Variants in PHF12 observed in about 807,000 individuals in gnomAD.
The protein encoded by PHF12 is PHD finger protein 12.
In PHF12, 6 loss-of-function variants were observed where a neutral mutation model predicts 99.8. That is an observed-to-expected ratio of 0.06 (90% CI 0.03 to 0.12). The LOEUF (loss-of-function observed/expected upper bound fraction) is 0.12. Among genes scored for constraint, PHF12 ranks in the 10% least tolerant of loss-of-function variants. The pLI is 1.00. For synonymous variants in PHF12, 480 were observed against 514.9 expected, an observed-to-expected ratio of 0.93 and a Z score of 0.92; for missense variants, 954 against 1,300.1, an observed-to-expected ratio of 0.73 and a Z score of 4.09.
At chr17:28,927,188 C>T in intron 2 of PHF12, 125 bp from the exon 3 acceptor site, 1 of 803,726 alleles carries the variant, frequency 1.2e-6, no homozygotes, top group South Asian at 1.7e-5. Context: ...CTAGGGTTGT[C>T]TCCTCCAAAA....
At chr17:28,922,523 A>G (rs2040184838) in intron 4 of PHF12, among the ~76,000 whole-genome samples, 1 of 152,198 alleles carries the variant, frequency 6.6e-6, no homozygotes, top group African/African-American at 2.4e-5. Context: ...AGGACTTAAA[A>G]AAAAAGAATG....
At chr17:28,948,978 G>A in intron 2 of PHF12, among the ~76,000 whole-genome samples, 1 of 152,100 alleles carries the variant, frequency 6.6e-6, no homozygotes, top group East Asian at 1.9e-4. Context: ...GGCAGAAGAT[G>A]GAGTTTAAAC....
intron 5 of PHF12, among the ~76,000 whole-genome samples, 158 bp from the exon 6 acceptor site, chr17:28,919,433 T>A (rs1440369194): frequency 6.6e-6 from 1 of 152,190 alleles, no homozygotes; most frequent in Non-Finnish European, 1.5e-5. Flanking sequence ...GTTACATTTA[T>A]GATTAGAAAG....
Position 28,912,752 on chromosome 17 carries a change from C to G in PHF12, c.1819G>C (p.Ala607Pro). The change falls in exon 9 of 15, where the codon GCC becomes CCC. Residue 607 changes from alanine (A) to proline (P), a missense_variant. Around this residue, in one of 8 missense-constraint regions of PHF12, gnomAD observed 392 missense variants for 423.1 expected, o/e 0.93. Transcript: ENST00000332830. ...TVGIIVKTEN[A>P]TGPSSCPQRS... ...TGGGGGCAAGAGCTGGGGCCAGTGG[C>G]ATTCTCTGTCTTCACAATGATGCCG... 6.2e-7 allele frequency: 1 copy of G among 1,614,110 alleles called. No individual in the cohort carries two copies. Among genetic ancestry groups the G allele is most frequent in the Non-Finnish European group, 8.5e-7 (1 of 1,179,980 alleles).
intron 4 of PHF12, 109 bp from the exon 5 acceptor site, chr17:28,921,917 C>G (rs2040173867): frequency 1.4e-6 from 2 of 1,461,708 alleles, no homozygotes; most frequent in African/African-American, 1.4e-5. Flanking sequence ...TGTGTCATGG[C>G]CTAAGCATGA....
chr17:28,950,155 G>T lies in PHF12; in HGVS notation c.158C>A (p.Ala53Asp). 2 of 1,613,924 alleles carry T rather than the reference G, an allele frequency of 1.2e-6. No homozygotes were observed. ...PEKEPRRSGR[A>D]TNHDSCDSCK... ...GCTATCGCAGCTGTCGTGGTTGGTG[G>T]CCCTGCCGCTTCTCCGGGGCTCCTT... The change falls in exon 2 of 15, where the codon GCC (alanine) becomes GAC (aspartate). Residue 53 changes from alanine (A) to aspartate (D), a missense_variant. By Grantham distance (126) the Ala-to-Asp change is moderately radical. Coordinates refer to ENST00000332830, the MANE Select transcript of PHF12 (RefSeq NM_001033561.2). This position sits in a 1 kb window ranked among gnomAD's most constrained non-coding sequence, Gnocchi z 5.7.
intron 7 of PHF12, 73 bp from the exon 8 acceptor site, chr17:28,914,110 T>G: frequency 6.8e-7 from 1 of 1,474,918 alleles, no homozygotes; most frequent in Non-Finnish European, 9.3e-7. Flanking sequence ...TGCCCTGGTA[T>G]GCTGTTCTGT....
At chr17:28,938,334 A>G (rs2152675660) in intron 2 of PHF12, among the ~76,000 whole-genome samples, 1 of 152,244 alleles carries the variant, frequency 6.6e-6, no homozygotes, top group Middle Eastern at 3.4e-3. Context: ...GGTTCAACTG[A>G]TTCTCCTGCC....
chr17:28,950,369 A>G lies in PHF12; in HGVS notation c.67-123T>C, dbSNP rs532841117. The G allele has an allele frequency of 2.4e-5, 27 of 1,113,966 alleles. No individual in the cohort carries two copies. Among genetic ancestry groups the G allele is most frequent in the East Asian group, 1.1e-4 (4 of 37,288 alleles). The allele number at this position is 1,113,966 out of a possible 1,614,324, so 69.0% of individuals were successfully genotyped here. On this transcript the variant is annotated intron_variant, in intron 1 of 14. Coordinates refer to ENST00000332830, the MANE Select transcript of PHF12 (RefSeq NM_001033561.2). The surrounding 1 kb of genome is among the most constrained non-coding windows in gnomAD (Gnocchi z 5.7). ...CCTTTTGTCCTTCTTCCTCCCATCCAGGCTGCTCCCAGAATCTCTCAGCCC... is the reference window on the plus strand; with the variant it reads ...CCTTTTGTCCTTCTTCCTCCCATCCGGGCTGCTCCCAGAATCTCTCAGCCC...
intron 6 of PHF12, 136 bp downstream of exon 6, chr17:28,919,007 T>C: frequency 9.2e-7 from 1 of 1,088,524 alleles, no homozygotes; most frequent in Non-Finnish European, 1.3e-6. Context: ...CAGAATTGAG[T>C]AGGGTGGCCT....
intron 2 of PHF12, among the ~76,000 whole-genome samples, chr17:28,946,088 C>T (rs2040717108): frequency 6.6e-6 from 1 of 151,926 alleles, no homozygotes; most frequent in Non-Finnish European, 1.5e-5. Flanking sequence ...GCTGAGATTG[C>T]GCTACTGCAC....
chr17:28,945,429 CAG>C (rs2040704167), intron 2 of PHF12: 2 of 152,070 alleles, frequency 1.3e-5, no homozygotes, highest in East Asian at 1.9e-4. Context: ...CTGCCAACAC[CAG>C]AGAGAGGAAA....
At chr17:28,923,119 C>T (rs1021709016) in intron 4 of PHF12, among the ~76,000 whole-genome samples, 4 of 151,278 alleles carry the variant, frequency 2.6e-5, no homozygotes, top group Admixed American at 6.6e-5. Context: ...AAAAAAGCAA[C>T]GTGTAGAATG....
Position 28,905,873 on chromosome 17 carries a change from G to T in PHF12, c.*310C>A. On this transcript the variant is annotated 3_prime_UTR_variant, in exon 15 of 15. Coordinates refer to ENST00000332830, the MANE Select transcript of PHF12 (RefSeq NM_001033561.2). ...GAGGGAGCAGGAGGTGGGTGGGGAA[G>T]GGTTTTGTGTTGGAGGAAGTGTCCA... 3.7e-6 allele frequency: 1 copy of T among 269,434 alleles called. No homozygotes were observed. Among genetic ancestry groups the T allele is most frequent in the Non-Finnish European group, 6.9e-6 (1 of 144,670 alleles). 16.7% of individuals were successfully genotyped at this position (269,434 alleles called of 1,614,324 possible).
In PHF12 at chr17:28,924,059, C is replaced by T. The variant is rs1221798173; in HGVS notation, c.565G>A (p.Asp189Asn). 6.2e-7 allele frequency: 1 copy of T among 1,614,188 alleles called. No individual in the cohort carries two copies. The highest frequency in any genetic ancestry group is 8.5e-7 in the Non-Finnish European group (1 of 1,180,032). Residue 189 changes from aspartate to asparagine, a missense_variant, in exon 4 of 15, where the codon GAC becomes AAC. By Grantham distance (23) the Asp-to-Asn change is conservative (BLOSUM62 1). Transcript: ENST00000332830. Reference sequence around the variant, plus strand: ...GCTGCTACTGGTTCCTCATCCACGTCAATGATGTCTTCGTCGACATCATTC... The same window carrying T: ...GCTGCTACTGGTTCCTCATCCACGTTAATGATGTCTTCGTCGACATCATTC... ...EQNDVDEDII[D>N]VDEEPVAAEP...
chr17:28,916,168 AC>A (rs959937573), intron 7 of PHF12, among the ~76,000 whole-genome samples: 21 of 152,220 alleles, frequency 1.4e-4, no homozygotes, highest in African/African-American at 4.8e-4. Context: ...TAGTGCTGAT[AC>A]CCACTGAAGG....
chr17:28,921,035 G>A (rs1425632823), intron 5 of PHF12, among the ~76,000 whole-genome samples: 8 of 151,768 alleles, frequency 5.3e-5, no homozygotes, highest in Non-Finnish European at 8.8e-5. Flanking sequence ...CACCATGCCC[G>A]GCTAATTTTT....
Position 28,951,105 on chromosome 17 carries a change from C to T in PHF12, c.-145G>A. The T allele has an allele frequency of 6.9e-7, 1 of 1,459,640 alleles. No homozygotes were observed. The highest frequency in any genetic ancestry group is 9.0e-7 in the Non-Finnish European group (1 of 1,106,492). The allele number at this position is 1,459,640 out of a possible 1,614,324, so 90.4% of individuals were successfully genotyped here. On this transcript the variant is annotated 5_prime_UTR_variant, in exon 1 of 15. Coordinates refer to ENST00000332830, the MANE Select transcript of PHF12 (RefSeq NM_001033561.2). ...CGACTTCCTCGCCCTGGCTCCCCCC[C>T]ACCCCCCGGCCCCCAGTCCCCGGGA...
chr17:28,927,012 G>A lies in PHF12; in HGVS notation c.300C>T (p.His100=), dbSNP rs1259778398. 1 of 1,614,048 alleles carries A rather than the reference G, an allele frequency of 6.2e-7. No homozygotes were observed. Among genetic ancestry groups the A allele is most frequent in the African/African-American group, 1.3e-5 (1 of 74,920 alleles). Residue 100 remains histidine (H), a synonymous_variant, in exon 3 of 15, where the codon CAC becomes CAT. Transcript: ENST00000332830. ...TTACCTTTCGGCGAACAGTGCACCG[G>A]TGACACATCCACTCTCCAGGAGGCA... ...EMLPPGEWMC[H]RCTVRRKKRE... is the part of the protein sequence containing the mutation.
Sources: allele counts gnomAD v4.1 joint callset (sites outside exome capture counted in the v4.1 genomes callset), GRCh38; gene constraint gnomAD v4.1.1; regional missense constraint gnomAD v4.1.1; non-coding constraint Gnocchi (gnomAD v3.1); transcripts MANE v1.5; gene names NCBI Gene and HGNC (gene_info 2026-07-23, HGNC 2026-07-21).